Variants in DHX16 observed in about 807,000 individuals in gnomAD.
DHX16 encodes DEAH-box helicase 16, also known as pre-mRNA-splicing factor ATP-dependent RNA helicase DHX16.
A neutral mutation model predicts 131.2 loss-of-function variants in DHX16; 81 were observed. That is an observed-to-expected ratio of 0.62 (90% CI 0.52 to 0.74). DHX16 has a LOEUF of 0.74. DHX16 is among the 30% of genes least tolerant of loss of function. DHX16 has a pLI of 0.00. For missense variants in DHX16, 980 were observed against 1,363.1 expected, an observed-to-expected ratio of 0.72 and a Z score of 4.43; for synonymous variants, 440 against 520.2, an observed-to-expected ratio of 0.85 and a Z score of 2.10.
chr6:30,666,016 G>C (rs929851971), intron 4 of DHX16, among the ~76,000 whole-genome samples: 1 of 152,204 alleles, frequency 6.6e-6, no homozygotes, highest in Admixed American at 6.5e-5. Flanking sequence ...ATGCACTAGG[G>C]AGATGTCTGC....
chr6:30,658,567 T>C (rs1339611574), intron 12 of DHX16, among the ~76,000 whole-genome samples: 1 of 137,564 alleles, frequency 7.3e-6, no homozygotes, highest in Non-Finnish European at 1.5e-5. Flanking sequence ...AAAAATTAGC[T>C]TGGGGTGGTG....
chr6:30,662,800 G>T lies in DHX16; in HGVS notation c.1429-58C>A. The T allele has an allele frequency of 1.3e-6, 2 of 1,577,140 alleles. No homozygotes were observed. The highest frequency in any genetic ancestry group is 1.7e-6 in the Non-Finnish European group (2 of 1,149,452). On this transcript the variant is annotated intron_variant, in intron 8 of 19. Transcript: ENST00000376442. The surrounding 1 kb of genome is among the most constrained non-coding windows in gnomAD (Gnocchi z 4.7). ...GGCTGGTGTGCCCTGAAAGGAACTT[G>T]GGGAAAGGTGAAGTGGGGCAGCACC...
At chr6:30,667,495 T>C (rs904490817) in intron 4 of DHX16, among the ~76,000 whole-genome samples, 1 of 148,188 alleles carries the variant, frequency 6.7e-6, no homozygotes, top group South Asian at 2.1e-4. Context: ...GGCAGGAGAA[T>C]GGCATGAACC....
Position 30,659,640 on chromosome 6 carries a change from G to A in DHX16, c.1855-16C>T. 6.2e-7 allele frequency: 1 copy of A among 1,614,030 alleles called. No individual in the cohort carries two copies. Among genetic ancestry groups the A allele is most frequent in the African/African-American group, 1.3e-5 (1 of 75,034 alleles). On this transcript the variant is annotated splice_polypyrimidine_tract_variant and intron_variant, in intron 11 of 19. Transcript: ENST00000376442. Reference sequence around the variant, plus strand: ...CAATCTCCTCCTGGATAGAGGGTAGGGAGAGCAGCAGGGGTCCCAGAGTCA... The same window carrying A: ...CAATCTCCTCCTGGATAGAGGGTAGAGAGAGCAGCAGGGGTCCCAGAGTCA...
chr6:30,656,825 G>A lies in DHX16; in HGVS notation c.2149-66C>T. 1.2e-6 allele frequency: 2 copies of A among 1,603,520 alleles called. No homozygotes were observed. Among genetic ancestry groups the A allele is most frequent in the Non-Finnish European group, 1.7e-6 (2 of 1,175,818 alleles). ...GGGAAAAGAAAAAGGCAGTATTTAT[G>A]CAAGAAATCTGGAAGGATGCAAACT... On this transcript the variant is annotated intron_variant, in intron 13 of 19. Coordinates refer to ENST00000376442, the MANE Select transcript of DHX16 (RefSeq NM_003587.5). The surrounding 1 kb of genome is among the most constrained non-coding windows in gnomAD (Gnocchi z 5.1).
intron 18 of DHX16, 23 bp from the exon 19 acceptor site, chr6:30,654,902 A>C (rs913711346): frequency 1.3e-6 from 2 of 1,598,476 alleles, no homozygotes; most frequent in Non-Finnish European, 1.7e-6. Flanking sequence ...CAGGAAAGAA[A>C]ATCAATGGAA....
chr6:30,666,586 T>A (rs1300071151), intron 4 of DHX16, among the ~76,000 whole-genome samples: 3 of 152,118 alleles, frequency 2.0e-5, no homozygotes, highest in Non-Finnish European at 2.9e-5. Context: ...GGTGGGTGGA[T>A]CACCTAAGGT....
At chr6:30,658,183 T>C (rs1163938826) in intron 12 of DHX16, among the ~76,000 whole-genome samples, 1 of 152,170 alleles carries the variant, frequency 6.6e-6, no homozygotes, top group African/African-American at 2.4e-5. Context: ...GGCAGGCGGA[T>C]CACTTGAGTC....
Position 30,671,081 on chromosome 6 carries a change from T to C in DHX16, c.401A>G (p.Glu134Gly). 1 of 1,613,102 alleles carries C rather than the reference T, an allele frequency of 6.2e-7. No homozygotes were observed. The highest frequency in any genetic ancestry group is 8.5e-7 in the Non-Finnish European group (1 of 1,180,044). ...KRKHLRKKREEEEEEEASEKG... is the reference protein window; with the variant it reads ...KRKHLRKKREGEEEEEASEKG... ...CTCAGAAGCCTCTTCCTCCTCTTCT[T>C]CCTCACGCTTCTTCCTGAGGTGTTT... Residue 134 changes from glutamate to glycine, a missense_variant, in exon 2 of 20, where the codon GAA (glutamate) becomes GGA (glycine). Glu to Gly is a moderately conservative substitution (Grantham distance 98). Transcript: ENST00000376442.
Position 30,665,334 on chromosome 6 carries a change from C to T in DHX16, c.922-60G>A. ...CAGGATGTCCTCTCTGCCCTCTCCC[C>T]TCTTCCCATTACTACCCCCGCCCAC... On this transcript the variant is annotated intron_variant, in intron 5 of 19. Coordinates refer to ENST00000376442, the MANE Select transcript of DHX16 (RefSeq NM_003587.5). The surrounding 1 kb of genome is among the most constrained non-coding windows in gnomAD (Gnocchi z 4.8). The T allele has an allele frequency of 6.3e-7, 1 of 1,592,750 alleles. No individual in the cohort carries two copies. Among genetic ancestry groups the T allele is most frequent in the Non-Finnish European group, 8.5e-7 (1 of 1,172,424 alleles).
Position 30,654,773 on chromosome 6 carries a change from A to G in DHX16, c.2930T>C (p.Phe977Ser). 1 of 1,613,056 alleles carries G rather than the reference A, an allele frequency of 6.2e-7. No homozygotes were observed. Residue 977 changes from phenylalanine to serine, a missense_variant, in exon 19 of 20, where the codon TTT becomes TCT. Phe to Ser is a radical substitution (Grantham distance 155, BLOSUM62 -2). Coordinates refer to ENST00000376442, the MANE Select transcript of DHX16 (RefSeq NM_003587.5). ...GAGCAGCCAGCGTGGCTGTTGCTCA[A>G]AGAGGGAGGAGTTGGGATGAATGAA... ...TVFIHPNSSL[F>S]EQQPRWLLYH... is the part of the protein sequence containing the mutation.
Position 30,656,162 on chromosome 6 carries a change from T to C in DHX16, c.2498+36A>G. 1 of 1,606,342 alleles carries C rather than the reference T, an allele frequency of 6.2e-7. No individual in the cohort carries two copies. Among genetic ancestry groups the C allele is most frequent in the African/African-American group, 1.3e-5 (1 of 74,900 alleles). ...GGAGACAGAGGAGGCCTGGCCTGTTTGTGTGCTGGGGGCCCAGGTGGAGGC... is the reference window on the plus strand; with the variant it reads ...GGAGACAGAGGAGGCCTGGCCTGTTCGTGTGCTGGGGGCCCAGGTGGAGGC... On this transcript the variant is annotated intron_variant, in intron 16 of 19. Coordinates refer to ENST00000376442, the MANE Select transcript of DHX16 (RefSeq NM_003587.5). This position sits in a 1 kb window ranked among gnomAD's most constrained non-coding sequence, Gnocchi z 5.1.
rs769719108 is a variant in DHX16, at chr6:30,665,578, C to T, written c.822G>A (p.Arg274=). 5 of 1,612,942 alleles carry T rather than the reference C, an allele frequency of 3.1e-6. No individual in the cohort carries two copies. The East Asian group carries it at 1.1e-4, about 36-fold the overall frequency. The part of the protein sequence containing the change: ...RHERQELKYK[R]RVRDLAREYR... ...ACTCCCGGGCGAGATCCCGCACTCGCCGCTTATATTTGAGCTCCTGCCGCT... is the reference window on the plus strand; with the variant it reads ...ACTCCCGGGCGAGATCCCGCACTCGTCGCTTATATTTGAGCTCCTGCCGCT... The change falls in exon 5 of 20, where the codon CGG becomes CGA. Residue 274 remains arginine (R), a synonymous_variant. Transcript: ENST00000376442. This position sits in a 1 kb window ranked among gnomAD's most constrained non-coding sequence, Gnocchi z 4.8.
intron 19 of DHX16, among the ~76,000 whole-genome samples, chr6:30,653,628 A>AAAGTGCTAGGATCCTGCCTTGGCCTCCCC (rs1248346523): frequency 6.6e-6 from 1 of 150,790 alleles, no homozygotes; most frequent in African/African-American, 2.5e-5. Flanking sequence ...TTGGCCTCCC[A>AAAGTGCTAGGATCCTGCCTTGGCCTCCCC]AAGTGCTGGG....
At chr6:30,657,222 C>G (rs1218797826) in intron 12 of DHX16, 130 bp from the exon 13 acceptor site, 44 of 936,964 alleles carry the variant, frequency 4.7e-5, no homozygotes, top group African/African-American at 1.7e-5. Flanking sequence ...TAGTAGTATC[C>G]AAGGTCAGGA....
intron 19 of DHX16, among the ~76,000 whole-genome samples, chr6:30,654,365 A>G (rs888809330): frequency 6.6e-6 from 1 of 152,208 alleles, no homozygotes; most frequent in African/African-American, 2.4e-5. Context: ...CCTGGCCAAC[A>G]TGGTGAAACC....
intron 1 of DHX16, among the ~76,000 whole-genome samples, chr6:30,671,500 A>AC (rs1255984824): frequency 6.6e-6 from 1 of 151,318 alleles, no homozygotes; most frequent in African/African-American, 2.5e-5. Context: ...GGCACATGCC[A>AC]CCACGCCCGA....
chr6:30,655,012 G>A, intron 18 of DHX16, 133 bp from the exon 19 acceptor site: 3 of 1,390,484 alleles, frequency 2.2e-6, no homozygotes, highest in Non-Finnish European at 3.0e-6. Context: ...TCCCAGGAAT[G>A]AACCTTCAGT....
chr6:30,655,213 G>A lies in DHX16; in HGVS notation c.2785C>T (p.Leu929Phe), dbSNP rs755630229. ...ATATAGTCCCCCTGGCAGGAACTGAGACCAACTTCCACACGTTCCAAGAGC... is the reference window on the plus strand; with the variant it reads ...ATATAGTCCCCCTGGCAGGAACTGAAACCAACTTCCACACGTTCCAAGAGC... ...EGLLERVEVGLSSCQGDYIRV... is the reference protein window; with the variant it reads ...EGLLERVEVGFSSCQGDYIRV... Residue 929 changes from leucine to phenylalanine, a missense_variant, in exon 18 of 20, where the codon CTC (leucine) becomes TTC (phenylalanine). Physicochemically the swap from Leu to Phe is conservative, Grantham distance 22. Around this residue, in one of 3 missense-constraint regions of DHX16, gnomAD observed 214 missense variants for 271.2 expected, o/e 0.79. Transcript: ENST00000376442. 1 of 1,614,166 alleles carries A rather than the reference G, an allele frequency of 6.2e-7. No homozygotes were observed. Among genetic ancestry groups the A allele is most frequent in the South Asian group, 1.1e-5 (1 of 91,082 alleles).
Sources: allele counts gnomAD v4.1 joint callset (sites outside exome capture counted in the v4.1 genomes callset), GRCh38; gene constraint gnomAD v4.1.1; regional missense constraint gnomAD v4.1.1; non-coding constraint Gnocchi (gnomAD v3.1); transcripts MANE v1.5; gene names NCBI Gene and HGNC (gene_info 2026-07-23, HGNC 2026-07-21).